The following DPY19L2 variants were observed in gnomAD, a reference collection of about 807,000 sequenced individuals.
The protein encoded by DPY19L2 is dpy-19 like 2.
In DPY19L2, 34 loss-of-function variants were observed where a neutral mutation model predicts 97.9. The ratio of observed to expected loss-of-function variants is 0.35; its 90% CI spans 0.26 to 0.46. The LOEUF is 0.46. Among genes scored for constraint, DPY19L2 ranks in the 20% least tolerant of loss-of-function variants. The probability of loss-of-function intolerance (pLI) is 1.00; values close to 1 mark genes in which losing one functional copy is unlikely to be tolerated. For synonymous variants in DPY19L2, 230 were observed against 307.9 expected (o/e 0.75, Z 2.65); for missense variants, 623 against 911.4 (o/e 0.68, Z 4.07).
intron 19 of DPY19L2, among the ~76,000 whole-genome samples, chr12:63,578,690 G>A (rs1021813506): frequency 6.6e-6 from 1 of 151,998 alleles, no homozygotes; most frequent in Non-Finnish European, 1.5e-5. Context: ...TTCTTTATAT[G>A]CCTCAAATTT....
chr12:63,634,988 G>A (rs898273796), intron 6 of DPY19L2, among the ~76,000 whole-genome samples: 1 of 152,226 alleles, frequency 6.6e-6, no homozygotes, highest in Non-Finnish European at 1.5e-5. Flanking sequence ...GCCTGCTCAA[G>A]TGGGTCCCTG....
At chr12:63,653,339 T>C (rs1484655047) in intron 4 of DPY19L2, among the ~76,000 whole-genome samples, 1 of 152,014 alleles carries the variant, frequency 6.6e-6, no homozygotes, top group Non-Finnish European at 1.5e-5. Flanking sequence ...GCAGGCAGAT[T>C]GCTTGAGCCC....
intron 11 of DPY19L2, 70 bp downstream of exon 11, chr12:63,617,234 C>T: frequency 1.1e-6 from 1 of 908,530 alleles, no homozygotes; most frequent in Non-Finnish European, 1.7e-6. Context: ...TTCTCTTATA[C>T]CTGTTTTAGA....
intron 4 of DPY19L2, among the ~76,000 whole-genome samples, chr12:63,655,309 T>C (rs1894819549): frequency 6.6e-6 from 1 of 152,094 alleles, no homozygotes; most frequent in Non-Finnish European, 1.5e-5. Flanking sequence ...TAAAAAATAG[T>C]GACAATACCA....
intron 15 of DPY19L2, among the ~76,000 whole-genome samples, chr12:63,594,645 T>C (rs1379193988): frequency 7.9e-6 from 1 of 126,982 alleles, no homozygotes; most frequent in African/African-American, 3.8e-5. Context: ...GACGTGTGTG[T>C]GCGTGTCTGT....
At chr12:63,629,268 G>A (rs1301739794) in intron 6 of DPY19L2, among the ~76,000 whole-genome samples, 1 of 152,062 alleles carries the variant, frequency 6.6e-6, no homozygotes, top group African/African-American at 2.4e-5. Context: ...GAACTACTCT[G>A]AGCTAAAGGA....
chr12:63,586,748 G>A (rs1011280127), intron 16 of DPY19L2, among the ~76,000 whole-genome samples: 3 of 152,230 alleles, frequency 2.0e-5, no homozygotes, highest in East Asian at 1.9e-4. Flanking sequence ...AGCTACTATC[G>A]TTGGTGGTAA....
intron 12 of DPY19L2, among the ~76,000 whole-genome samples, chr12:63,604,957 T>C (rs559200336): frequency 1.3e-5 from 2 of 152,316 alleles, no homozygotes; most frequent in East Asian, 3.9e-4. Context: ...CTGTGGATCC[T>C]ATTTTAAATT....
intron 11 of DPY19L2, among the ~76,000 whole-genome samples, chr12:63,613,788 A>T: frequency 6.6e-6 from 1 of 152,242 alleles, no homozygotes; most frequent in East Asian, 1.9e-4. Flanking sequence ...AAAAGAAATA[A>T]GATAAAAAGT....
chr12:63,650,631 T>C (rs990272297), intron 4 of DPY19L2, among the ~76,000 whole-genome samples: 10 of 152,008 alleles, frequency 6.6e-5, no homozygotes, highest in South Asian at 2.1e-4. Flanking sequence ...TACAGCTAAT[T>C]AGAGCGGAGA....
At chr12:63,650,234 G>A (rs564670078) in intron 4 of DPY19L2, among the ~76,000 whole-genome samples, 1 of 152,170 alleles carries the variant, frequency 6.6e-6, no homozygotes, top group South Asian at 2.1e-4. Flanking sequence ...GCAAAAGCTA[G>A]AAGCATTTGC....
At chr12:63,665,413 C>T (rs1455037976) in intron 2 of DPY19L2, among the ~76,000 whole-genome samples, 1 of 150,140 alleles carries the variant, frequency 6.7e-6, no homozygotes, top group African/African-American at 2.5e-5. Flanking sequence ...GCAGAGGTTG[C>T]AGTGAGTCAA....
intron 11 of DPY19L2, among the ~76,000 whole-genome samples, chr12:63,610,841 C>CAAAAAAAAGAAAAAAAAAAAA (rs1886829330): frequency 9.3e-5 from 1 of 10,758 alleles, no homozygotes; most frequent in African/African-American, 2.2e-4. Flanking sequence ...ATGAATATAG[C>CAAAAAAAAGAAAAAAAAAAAA]AAAAAAAAAA....
intron 6 of DPY19L2, among the ~76,000 whole-genome samples, chr12:63,634,455 T>C (rs1891290530): frequency 6.6e-6 from 1 of 152,046 alleles, no homozygotes; most frequent in Non-Finnish European, 1.5e-5. Flanking sequence ...TGTCCAATAG[T>C]GGGTGCAGCC....
At position 63,610,867 on chromosome 12, in the gene DPY19L2, A is replaced by AC. The variant is rs1486505319; in HGVS notation, c.1219-2193_1219-2192insG. Among the ~76,000 whole-genome samples, 107 of 102,932 alleles carry AC rather than the reference A, an allele frequency of 1.0e-3. 1 individual carries two copies. Among genetic ancestry groups the AC allele is most frequent in the Non-Finnish European group, 1.7e-3 (82 of 49,116 alleles). The allele number at this position is 102,932 out of a possible 152,430, so 67.5% of individuals were successfully genotyped here. ...AAAAAAAAAAAAAAAAAAAAAAAAA[A>AC]AAAAAAAACCACACACACACACAAA... On this transcript the variant is annotated intron_variant, in intron 11 of 21. Coordinates refer to ENST00000324472, the MANE Select transcript of DPY19L2 (RefSeq NM_173812.5).
intron 6 of DPY19L2, among the ~76,000 whole-genome samples, chr12:63,628,255 A>C (rs771887663): frequency 1.3e-5 from 2 of 152,196 alleles, no homozygotes; most frequent in Non-Finnish European, 2.9e-5. Flanking sequence ...GCATGAGCCA[A>C]AGCAGGGCAA....
chr12:63,601,149 G>A (rs937140456), intron 12 of DPY19L2, among the ~76,000 whole-genome samples: 6 of 152,098 alleles, frequency 3.9e-5, no homozygotes, highest in Non-Finnish European at 7.4e-5. Context: ...GAGTGTTTAT[G>A]TGTTTGTTTC....
intron 3 of DPY19L2, among the ~76,000 whole-genome samples, chr12:63,663,366 G>A (rs1379872895): frequency 2.0e-5 from 3 of 152,084 alleles, no homozygotes; most frequent in Admixed American, 2.0e-4. Context: ...AGATTATCTT[G>A]AAATCAAAAG....
intron 19 of DPY19L2, among the ~76,000 whole-genome samples, chr12:63,573,175 G>A (rs1449374826): frequency 2.6e-5 from 4 of 152,024 alleles, no homozygotes; most frequent in African/African-American, 4.8e-5. Context: ...CAAAATAGCC[G>A]TGCTGAGGAA....
Sources: allele counts gnomAD v4.1 joint callset (sites outside exome capture counted in the v4.1 genomes callset), GRCh38; gene constraint gnomAD v4.1.1; transcripts MANE v1.5; gene names NCBI Gene and HGNC (gene_info 2026-07-23, HGNC 2026-07-21).